STK4: variants seen among roughly 807,000 people sequenced by gnomAD.
STK4 encodes serine/threonine kinase 4.
In STK4, 30 loss-of-function variants were observed where a neutral mutation model predicts 64.9. The observed-to-expected ratio is 0.46, with a 90% CI of 0.35 to 0.63. The LOEUF (loss-of-function observed/expected upper bound fraction) is 0.63. Ranked by LOEUF, STK4 falls within the 20% of genes least tolerant of loss-of-function variation. The probability of loss-of-function intolerance (pLI) is 0.01; values close to 1 mark genes in which losing one functional copy is unlikely to be tolerated. For synonymous variants in STK4, 177 were observed against 199.0 expected, an observed-to-expected ratio of 0.89 and a Z score of 0.93; for missense variants, 466 against 598.5, an observed-to-expected ratio of 0.78 and a Z score of 2.31.
At chr20:45,041,966 T>G (rs2068621122) in intron 10 of STK4, among the ~76,000 whole-genome samples, 1 of 152,146 alleles carries the variant, frequency 6.6e-6, no homozygotes, top group Non-Finnish European at 1.5e-5. Flanking sequence ...CAAAGCCAGA[T>G]TTGGTTCAGT....
chr20:45,009,057 A>G (rs964186139), intron 9 of STK4, among the ~76,000 whole-genome samples: 9 of 152,014 alleles, frequency 5.9e-5, no homozygotes, highest in African/African-American at 2.2e-4. Flanking sequence ...CCACTTGTCA[A>G]TTTTTGCTTT....
At chr20:44,968,527 C>T (rs1383728491) in intron 1 of STK4, among the ~76,000 whole-genome samples, 2 of 152,190 alleles carry the variant, frequency 1.3e-5, no homozygotes, top group East Asian at 1.9e-4. Flanking sequence ...ACTATAGTAC[C>T]ATAGTGATCC....
At chr20:45,032,599 A>G (rs2145402538) in intron 10 of STK4, among the ~76,000 whole-genome samples, 2 of 152,238 alleles carry the variant, frequency 1.3e-5, no homozygotes, top group East Asian at 3.9e-4. Context: ...AAAGGATGTG[A>G]TCTTGCTCGT....
intron 10 of STK4, among the ~76,000 whole-genome samples, chr20:45,051,585 G>A (rs559145329): frequency 6.6e-6 from 1 of 152,256 alleles, no homozygotes; most frequent in Admixed American, 6.5e-5. Context: ...TGTTGTGCTG[G>A]TATGTTTTCA....
At chr20:44,987,435 A>G (rs894899379) in intron 5 of STK4, 139 bp downstream of exon 5, 2 of 830,156 alleles carry the variant, frequency 2.4e-6, no homozygotes, top group Non-Finnish European at 3.6e-6. Context: ...ATAGGTTACA[A>G]AAGAGCTAGT....
intron 9 of STK4, among the ~76,000 whole-genome samples, chr20:45,020,468 A>G (rs2868219): frequency 0.022 from 977 of 43,608 alleles, 13 homozygotes; most frequent in African/African-American, 0.13. Context: ...GTGTGTGTGT[A>G]TGTTTATGTT....
intron 9 of STK4, among the ~76,000 whole-genome samples, chr20:45,016,238 G>A (rs532742183): frequency 3.9e-5 from 6 of 152,144 alleles, no homozygotes; most frequent in Non-Finnish European, 4.4e-5. Context: ...ACAAGGTGAC[G>A]GATTTTTAAG....
chr20:45,016,238 G>C (rs532742183), intron 9 of STK4, among the ~76,000 whole-genome samples: 1 of 152,144 alleles, frequency 6.6e-6, no homozygotes, highest in Non-Finnish European at 1.5e-5. Context: ...ACAAGGTGAC[G>C]GATTTTTAAG....
rs767840614 is a variant in STK4 at position 44,981,938 on chromosome 20, A to G, written c.355A>G (p.Lys119Glu). 6.2e-7 allele frequency: 1 copy of G among 1,609,658 alleles called. No homozygotes were observed. Among genetic ancestry groups the G allele is most frequent in the Non-Finnish European group, 8.5e-7 (1 of 1,175,978 alleles). ...SVSDIIRLRN[K>E]TLTEDEIATI... ...ATCTGATATCATTCGATTACGAAAT[A>G]AAACGGTAGGTTTACCTTCTAGAAC... is the stretch of plus-strand genomic sequence containing the variant. Residue 119 changes from lysine (K) to glutamate (E), a missense_variant, in exon 4 of 11, where the codon AAA becomes GAA. Lys to Glu is a moderately conservative substitution (Grantham distance 56). Transcript: ENST00000372806.
intron 9 of STK4, among the ~76,000 whole-genome samples, chr20:45,014,115 T>G (rs2068099729): frequency 6.6e-6 from 1 of 152,088 alleles, no homozygotes; most frequent in Admixed American, 6.6e-5. Context: ...AAATAGGGTG[T>G]TAATATTTAG....
chr20:45,008,109 C>A (rs1030301995), intron 9 of STK4, among the ~76,000 whole-genome samples: 1 of 152,188 alleles, frequency 6.6e-6, no homozygotes, highest in African/African-American at 2.4e-5. Flanking sequence ...GGCTGGAGTG[C>A]GTTGGCACGA....
chr20:45,012,710 A>T (rs191515456), intron 9 of STK4, among the ~76,000 whole-genome samples: 94 of 151,858 alleles, frequency 6.2e-4, no homozygotes, highest in Non-Finnish European at 1.0e-3. Context: ...TTGCCTTTTT[A>T]AAAAAATGGA....
chr20:45,000,456 A>G lies in STK4; in HGVS notation c.896A>G (p.Asp299Gly), dbSNP rs759684081. ...ILRDLINEAM[D>G]VKLKRQESQQ... The stretch of plus-strand genomic sequence containing the variant: ...CGAGACTTAATTAATGAAGCCATGG[A>G]TGTGAAACTGAAACGCCAGGAATCC... Residue 299 changes from aspartate (D) to glycine (G), a missense_variant, in exon 8 of 11, where the codon GAT (aspartate) becomes GGT (glycine). Transcript: ENST00000372806. The G allele has an allele frequency of 2.5e-6, 4 of 1,613,988 alleles. No homozygotes were observed. The Admixed American group carries it at 6.7e-5, about 27-fold the overall frequency.
intron 9 of STK4, among the ~76,000 whole-genome samples, chr20:45,010,646 G>A (rs1168007029): frequency 6.6e-6 from 1 of 152,162 alleles, no homozygotes; most frequent in African/African-American, 2.4e-5. Flanking sequence ...AGATATGTTT[G>A]ATTTCAGTGG....
chr20:45,011,306 C>T (rs187150146), intron 9 of STK4, among the ~76,000 whole-genome samples: 3 of 152,190 alleles, frequency 2.0e-5, no homozygotes, highest in Admixed American at 1.3e-4. Flanking sequence ...GGGTTATAAT[C>T]GTGTTCCCAT....
chr20:45,055,473 T>C (rs1978385938), intron 10 of STK4, among the ~76,000 whole-genome samples: 1 of 152,036 alleles, frequency 6.6e-6, no homozygotes, highest in Admixed American at 6.5e-5. Context: ...TTCATTCCTG[T>C]TATTTGTTTC....
At chr20:45,058,558 T>C (rs1978699577) in intron 10 of STK4, among the ~76,000 whole-genome samples, 1 of 152,216 alleles carries the variant, frequency 6.6e-6, no homozygotes, top group South Asian at 2.1e-4. Flanking sequence ...GTGAGATCAA[T>C]TTGCATTTTA....
chr20:45,035,905 G>A (rs959754224), intron 10 of STK4, among the ~76,000 whole-genome samples: 4 of 152,138 alleles, frequency 2.6e-5, no homozygotes, highest in African/African-American at 9.7e-5. Flanking sequence ...AATGTACTAT[G>A]TGCCAGGCAT....
intron 10 of STK4, among the ~76,000 whole-genome samples, chr20:45,042,095 C>T (rs2145420565): frequency 6.6e-6 from 1 of 152,256 alleles, no homozygotes; most frequent in African/African-American, 2.4e-5. Flanking sequence ...TGTAAATTAG[C>T]TATTACTCTA....
Sources: allele counts gnomAD v4.1 joint callset (sites outside exome capture counted in the v4.1 genomes callset), GRCh38; gene constraint gnomAD v4.1.1; transcripts MANE v1.5; gene names NCBI Gene and HGNC (gene_info 2026-07-23, HGNC 2026-07-21).